SLC30A6: variants seen among roughly 807,000 people sequenced by gnomAD.
SLC30A6 encodes solute carrier family 30 member 6.
In SLC30A6, 55 loss-of-function variants were observed where a neutral mutation model predicts 63.0. That is an observed-to-expected ratio of 0.87 (90% confidence interval 0.70 to 1.09). SLC30A6 has a LOEUF of 1.09. Ranked by LOEUF, SLC30A6 falls within the 50% of genes least tolerant of loss-of-function variation. SLC30A6 has a pLI of 0.00. For synonymous variants in SLC30A6, 224 were observed against 186.1 expected, an observed-to-expected ratio of 1.20 and a Z score of -1.66; for missense variants, 587 against 549.2, an observed-to-expected ratio of 1.07 and a Z score of -0.69.
intron 5 of SLC30A6, among the ~76,000 whole-genome samples, chr2:32,186,565 A>G (rs1379605121): frequency 1.3e-5 from 2 of 152,052 alleles, no homozygotes; most frequent in Non-Finnish European, 2.9e-5. Context: ...GGTGGCAGGC[A>G]CCTGTAATCC....
Position 32,192,833 on chromosome 2 carries a change from T to G in SLC30A6, c.366-85T>G. On this transcript the variant is annotated intron_variant, in intron 6 of 13. Transcript: ENST00000282587. ...ATAATATTAAAAGATTTTGTGAACT[T>G]TAAGGTGGGTGAATGATATATTTAA... is the stretch of plus-strand genomic sequence containing the variant. 8 of 853,330 alleles carry G rather than the reference T, an allele frequency of 9.4e-6. No homozygotes were observed. In the South Asian group the frequency reaches 1.6e-4, roughly 17 times the overall value. The allele number at this position is 853,330 out of a possible 1,614,324, so 52.9% of individuals were successfully genotyped here.
intron 5 of SLC30A6, among the ~76,000 whole-genome samples, chr2:32,187,498 A>T (rs1682938996): frequency 6.6e-6 from 1 of 152,200 alleles, no homozygotes; most frequent in Admixed American, 6.5e-5. Context: ...TAGAGTGAAC[A>T]GGAAAGAAAG....
At chr2:32,216,960 C>G (rs1049772222) in intron 13 of SLC30A6, among the ~76,000 whole-genome samples, 8 of 152,152 alleles carry the variant, frequency 5.3e-5, no homozygotes, top group South Asian at 2.1e-4. Flanking sequence ...ATGATCTCAG[C>G]TCACTGCAAC....
Position 32,189,299 on chromosome 2 carries a change from T to G in SLC30A6, c.285-3037T>G, listed in dbSNP as rs1050945137. Among the ~76,000 whole-genome samples the G allele has an allele frequency of 4.1e-5, 6 of 147,572 alleles. No individual in the cohort carries two copies. The South Asian group carries it at 6.8e-4, about 17-fold the overall frequency. ...ATACTGTCTTTTTTTTTTTTTTTTT[T>G]TCTTTTTTTTGAGGCAGCATCTCGC... On this transcript the variant is annotated intron_variant, in intron 5 of 13. Transcript: ENST00000282587.
chr2:32,187,039 G>A (rs543146439), intron 5 of SLC30A6: 59 of 357,310 alleles, frequency 1.7e-4, no homozygotes, highest in South Asian at 1.2e-3. Context: ...AAATGAGTTC[G>A]GGGGAAAAAA....
intron 10 of SLC30A6, chr2:32,201,640 A>T: frequency 6.6e-7 from 1 of 1,515,294 alleles, no homozygotes; most frequent in Non-Finnish European, 9.0e-7. Context: ...ATGGAACTGG[A>T]AGCACCCTTG....
chr2:32,184,361 T>C, intron 5 of SLC30A6, 23 bp downstream of exon 5: 1 of 1,394,824 alleles, frequency 7.2e-7, no homozygotes, highest in Non-Finnish European at 9.7e-7. Flanking sequence ...TATTTTATTT[T>C]CTGCTAACTT....
chr2:32,196,030 G>A (rs1683757181), intron 8 of SLC30A6, among the ~76,000 whole-genome samples: 1 of 152,026 alleles, frequency 6.6e-6, no homozygotes, highest in Non-Finnish European at 1.5e-5. Context: ...AAAAAAAAAT[G>A]AAGGCTGGGT....
intron 1 of SLC30A6, among the ~76,000 whole-genome samples, chr2:32,170,406 A>T (rs1681094440): frequency 6.6e-6 from 1 of 152,084 alleles, no homozygotes; most frequent in African/African-American, 2.4e-5. Context: ...AGGCTTTCCC[A>T]TGTGATTTCC....
chr2:32,223,566 G>A lies in SLC30A6; in HGVS notation c.*2853G>A, dbSNP rs933044550. On this transcript the variant is annotated 3_prime_UTR_variant, in exon 14 of 14. Coordinates refer to ENST00000282587, the MANE Select transcript of SLC30A6 (RefSeq NM_017964.5). ...TAGAATGTATGCCCAATTGCTAAACGGATGTTGTGCCCAGAATTTTATCTA... is the reference window on the plus strand; with the variant it reads ...TAGAATGTATGCCCAATTGCTAAACAGATGTTGTGCCCAGAATTTTATCTA... 1.3e-5 allele frequency: 2 copies of A among 152,152 alleles called. No homozygotes were observed. Among genetic ancestry groups the A allele is most frequent in the Non-Finnish European group, 2.9e-5 (2 of 68,020 alleles). The allele number at this position is 152,152 out of a possible 1,614,324, so 9.4% of individuals were successfully genotyped here.
intron 5 of SLC30A6, chr2:32,187,038 C>A (rs374592736): frequency 9.0e-6 from 3 of 334,538 alleles, no homozygotes; most frequent in South Asian, 2.4e-5. Flanking sequence ...AAAATGAGTT[C>A]GGGGGAAAAA....
chr2:32,201,815 C>G (rs1298679089), intron 10 of SLC30A6: 1 of 1,401,506 alleles, frequency 7.1e-7, no homozygotes, highest in East Asian at 2.3e-5. Context: ...AGAAGGAAGT[C>G]AAGCCACCAT....
At chr2:32,205,972 A>G (rs1356258467) in intron 11 of SLC30A6, among the ~76,000 whole-genome samples, 1 of 151,762 alleles carries the variant, frequency 6.6e-6, no homozygotes, top group Non-Finnish European at 1.5e-5. Context: ...CCCGGCCTGA[A>G]ATTTTTTTTA....
rs1367547528 is a variant in SLC30A6, at chr2:32,202,726, A to G, written c.666-1864A>G. The G allele has an allele frequency of 2.5e-5, 17 of 691,926 alleles. No individual in the cohort carries two copies. In the Middle Eastern group the frequency reaches 1.0e-3, roughly 41 times the overall value. The allele number at this position is 691,926 out of a possible 1,614,324, so 42.9% of individuals were successfully genotyped here. A position where few individuals can be genotyped will look rare whatever the true frequency, so the allele number is the denominator to read the frequency against. ...GCTGAACAAGTTGAAGATATTATTC[A>G]TGAATTCTACAAAACTGATTCTGAA... is the stretch of plus-strand genomic sequence containing the variant. On this transcript the variant is annotated intron_variant, in intron 10 of 13. Coordinates refer to ENST00000282587, the MANE Select transcript of SLC30A6 (RefSeq NM_017964.5).
At chr2:32,215,339 C>G (rs537816593) in intron 13 of SLC30A6, among the ~76,000 whole-genome samples, 55 of 151,772 alleles carry the variant, frequency 3.6e-4, no homozygotes, top group Admixed American at 2.4e-3. Flanking sequence ...TGACTATAGG[C>G]GCGCACCACC....
intron 8 of SLC30A6, among the ~76,000 whole-genome samples, chr2:32,196,624 A>T (rs977106372): frequency 1.8e-4 from 27 of 152,204 alleles, no homozygotes; most frequent in African/African-American, 5.8e-4. Flanking sequence ...CTGAAAATTT[A>T]AAATTCGAAA....
At chr2:32,203,851 GGC>G (rs1684507877) in intron 10 of SLC30A6, 1 of 1,247,058 alleles carries the variant, frequency 8.0e-7, no homozygotes, top group African/African-American at 1.5e-5. Context: ...TTGGTCAAGT[GGC>G]CAGTCGGGCC....
intron 2 of SLC30A6, among the ~76,000 whole-genome samples, 158 bp from the exon 3 acceptor site, chr2:32,173,905 C>A (rs144838963): frequency 1.4e-4 from 21 of 152,104 alleles, no homozygotes; most frequent in African/African-American, 5.1e-4. Context: ...ATAACTTAGC[C>A]GATGACAATT....
At chr2:32,209,444 G>A (rs1573404099) in intron 12 of SLC30A6, 49 bp from the exon 13 acceptor site, 1 of 1,436,542 alleles carries the variant, frequency 7.0e-7, no homozygotes, top group Non-Finnish European at 9.6e-7. Flanking sequence ...AACTGCATTG[G>A]ATATGTTAAG....
Sources: gnomAD v4.1 joint callset for allele counts (sites outside exome capture counted in the v4.1 genomes callset) on GRCh38, gnomAD v4.1.1 for gene constraint, MANE v1.5 for transcripts, NCBI Gene and HGNC (gene_info 2026-07-23, HGNC 2026-07-21) for gene names.